APP: variants seen among roughly 807,000 people sequenced by gnomAD.
The protein encoded by APP is amyloid-beta precursor protein.
In APP, 31 loss-of-function variants were observed where a neutral mutation model predicts 101.4. The ratio of observed to expected loss-of-function variants is 0.31; its 90% CI spans 0.23 to 0.41. APP has a LOEUF of 0.41. Ranked by LOEUF, APP falls within the 10% of genes least tolerant of loss-of-function variation. The pLI, the probability that APP is intolerant of heterozygous loss-of-function variation, is 1.00. For missense variants in APP, 839 were observed against 1,003.7 expected (o/e 0.84, Z 2.22); for synonymous variants, 366 against 364.4 (o/e 1.00, Z -0.05).
intron 13 of APP, among the ~76,000 whole-genome samples, chr21:25,946,283 C>A (rs2040817787): frequency 6.6e-6 from 1 of 152,152 alleles, no homozygotes; most frequent in Non-Finnish European, 1.5e-5. Flanking sequence ...AGTGAAAATA[C>A]AACCTACAGA....
intron 5 of APP, among the ~76,000 whole-genome samples, chr21:26,037,512 T>G (rs9979927): frequency 6.6e-6 from 1 of 151,936 alleles, no homozygotes; most frequent in South Asian, 2.1e-4. Flanking sequence ...AAGGTACCTT[T>G]TAATGAACGG....
chr21:26,015,456 T>C (rs2044011850), intron 6 of APP, among the ~76,000 whole-genome samples: 1 of 152,212 alleles, frequency 6.6e-6, no homozygotes, highest in Non-Finnish European at 1.5e-5. Context: ...TATACAAATT[T>C]ACACAGTTAG....
intron 16 of APP, among the ~76,000 whole-genome samples, chr21:25,894,434 T>C (rs2037897395): frequency 6.6e-6 from 1 of 152,198 alleles, no homozygotes; most frequent in African/African-American, 2.4e-5. Flanking sequence ...CCAGATGCCA[T>C]TAAGAACATC....
At chr21:26,012,551 G>C (rs113919967) in intron 6 of APP, among the ~76,000 whole-genome samples, 1,986 of 152,278 alleles carry the variant, frequency 0.013, 45 homozygotes, top group African/African-American at 0.045. Context: ...CAGCTGGTTA[G>C]GCTGTAAGCC....
intron 8 of APP, among the ~76,000 whole-genome samples, chr21:25,986,472 G>T (rs969617425): frequency 6.6e-6 from 1 of 152,066 alleles, no homozygotes; most frequent in Admixed American, 6.6e-5. Context: ...TTGGGAGGCC[G>T]AGGTGGACGG....
At chr21:25,905,706 G>A (rs2038755000) in intron 14 of APP, among the ~76,000 whole-genome samples, 1 of 152,150 alleles carries the variant, frequency 6.6e-6, no homozygotes, top group African/African-American at 2.4e-5. Context: ...GCTGAAACGT[G>A]TGAAATGAGG....
At chr21:25,897,768 C>A (rs2038176401) in intron 15 of APP, 95 bp from the exon 16 acceptor site, 2 of 1,032,068 alleles carry the variant, frequency 1.9e-6, no homozygotes, top group South Asian at 2.6e-5. Flanking sequence ...AAACTTCTTT[C>A]TAGGCCTGAA....
intron 5 of APP, among the ~76,000 whole-genome samples, chr21:26,048,478 G>A (rs901077480): frequency 3.9e-5 from 6 of 152,088 alleles, no homozygotes; most frequent in East Asian, 1.9e-4. Flanking sequence ...GTGTTGGTCC[G>A]CATTCAAAGT....
chr21:25,996,986 T>C (rs1358018966), intron 8 of APP, among the ~76,000 whole-genome samples: 1 of 152,242 alleles, frequency 6.6e-6, no homozygotes, highest in African/African-American at 2.4e-5. Context: ...CTAGCCCTTG[T>C]TCTTCAGTTC....
At chr21:26,007,214 G>A (rs1275141941) in intron 6 of APP, among the ~76,000 whole-genome samples, 2 of 151,296 alleles carry the variant, frequency 1.3e-5, no homozygotes, top group Non-Finnish European at 3.0e-5. Flanking sequence ...AGAGTAAAAA[G>A]GGCAAATGTA....
intron 11 of APP, among the ~76,000 whole-genome samples, chr21:25,961,162 T>A (rs542614516): frequency 2.0e-5 from 3 of 152,304 alleles, no homozygotes; most frequent in Admixed American, 6.5e-5. Context: ...CAACTGTTCA[T>A]CTCACCTATC....
chr21:26,039,687 G>C (rs2045285115), intron 5 of APP, among the ~76,000 whole-genome samples: 1 of 152,158 alleles, frequency 6.6e-6, no homozygotes, highest in African/African-American at 2.4e-5. Context: ...ACATTCATCA[G>C]TTGCACCTTC....
chr21:26,032,085 TG>T (rs1273870507), intron 5 of APP, among the ~76,000 whole-genome samples: 1 of 152,252 alleles, frequency 6.6e-6, no homozygotes, highest in East Asian at 1.9e-4. Context: ...TGTAGCTTCT[TG>T]GGTTAGCCAC....
chr21:26,136,565 T>C (rs2062922941), intron 1 of APP, among the ~76,000 whole-genome samples: 2 of 152,194 alleles, frequency 1.3e-5, no homozygotes, highest in South Asian at 4.1e-4. Context: ...GCCCATTTGA[T>C]TTATAAATAA....
At chr21:26,032,456 A>G (rs900337327) in intron 5 of APP, among the ~76,000 whole-genome samples, 2 of 152,182 alleles carry the variant, frequency 1.3e-5, no homozygotes, top group African/African-American at 4.8e-5. Context: ...TCCAGAGCTC[A>G]GCCACGTGGG....
rs903760518 is a variant in APP, at chr21:25,891,620, G to GT, written c.2211+101dup. 2.0e-5 allele frequency: 24 copies of GT among 1,221,138 alleles called. No homozygotes were observed. The African/African-American group carries it at 2.2e-4, about 11-fold the overall frequency. The allele number at this position is 1,221,138 out of a possible 1,614,324, so 75.6% of individuals were successfully genotyped here. ...AAGCATCATGGAAGCACACTGATTC[G>GT]TTTTTTAAAAGAGATACTTAGCTAG... On this transcript the variant is annotated intron_variant, in intron 17 of 17. Coordinates refer to ENST00000346798, the MANE Select transcript of APP (RefSeq NM_000484.4).
rs1364610611 is a variant in APP at position 25,897,554 on chromosome 21, G to A, written c.2064+19C>T. 6.4e-7 allele frequency: 1 copy of A among 1,570,398 alleles called. No individual in the cohort carries two copies. Among genetic ancestry groups the A allele is most frequent in the African/African-American group, 1.4e-5 (1 of 73,986 alleles). On this transcript the variant is annotated intron_variant, in intron 16 of 17. Coordinates refer to ENST00000346798, the MANE Select transcript of APP (RefSeq NM_000484.4). The stretch of plus-strand genomic sequence containing the variant: ...GGCAAGACAAACAGTAGTGGAAAGA[G>A]GTAAATTATTTTACGTACCAATTTT...
At chr21:26,094,996 C>T (rs1351595667) in intron 2 of APP, among the ~76,000 whole-genome samples, 1 of 152,140 alleles carries the variant, frequency 6.6e-6, no homozygotes, top group Non-Finnish European at 1.5e-5. Context: ...CAGGCACCCA[C>T]TACCACACCC....
intron 2 of APP, among the ~76,000 whole-genome samples, chr21:26,091,701 C>T (rs2061829895): frequency 6.6e-6 from 1 of 151,932 alleles, no homozygotes; most frequent in Non-Finnish European, 1.5e-5. Flanking sequence ...TGAAAGCATG[C>T]ACTTCAAGCT....
Sources: gnomAD v4.1 joint callset for allele counts (sites outside exome capture counted in the v4.1 genomes callset) on GRCh38, gnomAD v4.1.1 for gene constraint, MANE v1.5 for transcripts, NCBI Gene and HGNC (gene_info 2026-07-23, HGNC 2026-07-21) for gene names.